ZNF69: variants seen among roughly 807,000 people sequenced by gnomAD.
The protein encoded by ZNF69 is zinc finger protein 69.
A neutral mutation model predicts 50.9 loss-of-function variants in ZNF69; 47 were observed. That is an observed-to-expected ratio of 0.92 (90% CI 0.73 to 1.18). The LOEUF (loss-of-function observed/expected upper bound fraction) is 1.18, where lower values mean the gene tolerates loss of function less well. ZNF69 is among the 50% of genes most tolerant of loss of function. ZNF69 has a pLI of 0.00. For synonymous variants in ZNF69, 216 were observed against 223.1 expected (o/e 0.97, Z 0.29); for missense variants, 717 against 675.1 (o/e 1.06, Z -0.69).
chr19:11,929,573 T>C, the ZNF69 span, among the ~76,000 whole-genome samples: 13 of 148,376 alleles, frequency 8.8e-5, 1 homozygote, highest in Admixed American at 8.6e-4. Flanking sequence ...CCCTATACAT[T>C]AGTAATTTCT....
At chr19:11,928,719 G>T in the ZNF69 span, among the ~76,000 whole-genome samples, 4 of 131,158 alleles carry the variant, frequency 3.0e-5, no homozygotes, top group Admixed American at 3.0e-4. Flanking sequence ...GCGACAGAGC[G>T]AGACTCCGTC....
chr19:11,913,331 C>T (rs879072960), intron 4 of ZNF69: 37 of 522,808 alleles, frequency 7.1e-5, no homozygotes, highest in Middle Eastern at 2.8e-4. Flanking sequence ...TTTTTTTTTT[C>T]GGAAATTTTA....
chr19:11,921,109 G>T, the ZNF69 span, among the ~76,000 whole-genome samples: 1 of 152,074 alleles, frequency 6.6e-6, no homozygotes, highest in Non-Finnish European at 1.5e-5. Context: ...TCAAACATTG[G>T]ACTCAGTGTC....
intron 1 of ZNF69, among the ~76,000 whole-genome samples, chr19:11,895,490 T>G (rs1977204217): frequency 1.3e-5 from 2 of 152,180 alleles, no homozygotes; most frequent in Admixed American, 6.5e-5. Flanking sequence ...GAAGTCATAC[T>G]GTGATTAAGA....
At chr19:11,927,310 G>A in the ZNF69 span, among the ~76,000 whole-genome samples, 3 of 151,900 alleles carry the variant, frequency 2.0e-5, no homozygotes, top group Non-Finnish European at 4.4e-5. Context: ...AGCCGAGGAT[G>A]TACCACTGCA....
chr19:11,896,017 T>C (rs1292575809), intron 1 of ZNF69, among the ~76,000 whole-genome samples: 2 of 151,894 alleles, frequency 1.3e-5, no homozygotes, highest in African/African-American at 4.8e-5. Context: ...GTCAGGAGTT[T>C]AAGATCAGCC....
chr19:11,956,582 G>T, the ZNF69 span: 3 of 398,502 alleles, frequency 7.5e-6, no homozygotes, highest in Non-Finnish European at 1.3e-5. Flanking sequence ...CACACCAGGC[G>T]CAGTGGCTCA....
downstream of ZNF69, among the ~76,000 whole-genome samples, chr19:11,919,096 C>T (rs1469923825): frequency 1.3e-5 from 2 of 152,048 alleles, no homozygotes; most frequent in Admixed American, 6.6e-5. Context: ...GGGGTTTCAT[C>T]GTGTTAGCCA....
downstream of ZNF69, among the ~76,000 whole-genome samples, chr19:11,917,938 C>A (rs1434418458): frequency 1.3e-5 from 2 of 152,078 alleles, no homozygotes; most frequent in African/African-American, 4.8e-5. Context: ...TAGGCACCTG[C>A]AACCACACTC....
the ZNF69 span, among the ~76,000 whole-genome samples, chr19:11,943,507 A>AT: frequency 4.0e-5 from 6 of 151,814 alleles, no homozygotes; most frequent in Admixed American, 2.0e-4. Context: ...TGTTTTAGCT[A>AT]TTTTTTTTAC....
At position 11,906,276 on chromosome 19, in the gene ZNF69, GA is replaced by G; in HGVS notation, c.*181del. On this transcript the variant is annotated 3_prime_UTR_variant, in exon 4 of 4. Transcript: ENST00000429654. ...CTGGATAGCTGAACAAAAGGCAGCA[GA>G]AACTTCTGCAGACTTAAATGTCCCT... 3 of 1,453,832 alleles carry G rather than the reference GA, an allele frequency of 2.1e-6. No individual in the cohort carries two copies. Among genetic ancestry groups the G allele is most frequent in the Non-Finnish European group, 2.7e-6 (3 of 1,111,328 alleles). The allele number at this position is 1,453,832 out of a possible 1,614,324, so 90.1% of individuals were successfully genotyped here.
the ZNF69 span, chr19:11,977,106 G>A: frequency 1.7e-5 from 27 of 1,603,678 alleles, no homozygotes; most frequent in South Asian, 1.4e-4. Flanking sequence ...TGGATATTTC[G>A]CAGAGGAAAC....
At chr19:11,951,164 AAAAAG>A in the ZNF69 span, among the ~76,000 whole-genome samples, 2 of 150,716 alleles carry the variant, frequency 1.3e-5, no homozygotes, top group Non-Finnish European at 3.0e-5. Context: ...AAAAAAAAAA[AAAAAG>A]AAAGAAATTT....
chr19:11,905,988 G>C lies in ZNF69; in HGVS notation c.1591G>C (p.Glu531Gln). ...FRYHERTHTGEKPYKCKQCGK... is the reference protein window; with the variant it reads ...FRYHERTHTGQKPYKCKQCGK... Reference sequence around the variant, plus strand: ...ATACCATGAAAGGACTCACACTGGAGAGAAACCCTATAAATGCAAGCAATG... The same window carrying C: ...ATACCATGAAAGGACTCACACTGGACAGAAACCCTATAAATGCAAGCAATG... Residue 531 changes from glutamate to glutamine, a missense_variant, in exon 4 of 4, where the codon GAG becomes CAG. Coordinates refer to ENST00000429654, the MANE Select transcript of ZNF69 (RefSeq NM_001364730.1). 1.9e-6 allele frequency: 3 copies of C among 1,614,112 alleles called. No homozygotes were observed. Among genetic ancestry groups the C allele is most frequent in the Non-Finnish European group, 2.5e-6 (3 of 1,180,018 alleles).
the ZNF69 span, among the ~76,000 whole-genome samples, chr19:11,964,626 G>A: frequency 6.6e-6 from 1 of 152,208 alleles, no homozygotes; most frequent in Admixed American, 6.5e-5. Context: ...TCAAGGACAT[G>A]TGCCTCTCCT....
the ZNF69 span, chr19:11,949,092 C>G: frequency 5.0e-6 from 8 of 1,611,802 alleles, no homozygotes; most frequent in Non-Finnish European, 6.8e-6. Flanking sequence ...TAAGAATGAA[C>G]TCTGGAGAAA....
chr19:11,949,097 G>T, the ZNF69 span: 2 of 1,612,086 alleles, frequency 1.2e-6, no homozygotes, highest in Admixed American at 1.7e-5. Flanking sequence ...ATGAACTCTG[G>T]AGAAAGACCT....
At chr19:11,974,069 T>TTTTCTTTCTTACTTTC in the ZNF69 span, among the ~76,000 whole-genome samples, 1 of 114,776 alleles carries the variant, frequency 8.7e-6, no homozygotes, top group African/African-American at 3.2e-5. Flanking sequence ...TCCTTCTTTC[T>TTTTCTTTCTTACTTTC]TTTCTTTCTT....
At chr19:11,928,481 C>T in the ZNF69 span, among the ~76,000 whole-genome samples, 1 of 149,664 alleles carries the variant, frequency 6.7e-6, no homozygotes, top group East Asian at 1.9e-4. Context: ...GCCTGTAATC[C>T]CAGCACTTTG....
Sources: allele counts gnomAD v4.1 joint callset (sites outside exome capture counted in the v4.1 genomes callset), GRCh38; gene constraint gnomAD v4.1.1; transcripts MANE v1.5; gene names NCBI Gene and HGNC (gene_info 2026-07-23, HGNC 2026-07-21).